RCSD1: variants seen among roughly 807,000 people sequenced by gnomAD.
RCSD1 encodes capZ-interacting protein.
A neutral mutation model predicts 42.5 loss-of-function variants in RCSD1; 26 were observed. The ratio of observed to expected loss-of-function variants is 0.61; its 90% CI spans 0.45 to 0.85. The LOEUF (loss-of-function observed/expected upper bound fraction) is 0.85. Among genes scored for constraint, RCSD1 ranks in the 40% least tolerant of loss-of-function variants. The pLI, the probability that RCSD1 is intolerant of heterozygous loss-of-function variation, is 0.00. For missense variants in RCSD1, 571 were observed against 528.3 expected, an observed-to-expected ratio of 1.08 and a Z score of -0.79; for synonymous variants, 220 against 212.2, an observed-to-expected ratio of 1.04 and a Z score of -0.32.
intron 1 of RCSD1, among the ~76,000 whole-genome samples, chr1:167,658,129 C>T (rs1658462276): frequency 6.6e-6 from 1 of 152,150 alleles, no homozygotes; most frequent in Admixed American, 6.6e-5. Context: ...GTATGAGACA[C>T]ACTGGGTTTA....
At chr1:167,699,864 C>T (rs1040691946) in intron 6 of RCSD1, among the ~76,000 whole-genome samples, 1 of 152,194 alleles carries the variant, frequency 6.6e-6, no homozygotes, top group African/African-American at 2.4e-5. Context: ...TTCTTACCCA[C>T]GGCTCAGAGC....
intron 1 of RCSD1, among the ~76,000 whole-genome samples, chr1:167,657,854 G>A (rs557011092): frequency 8.6e-5 from 13 of 151,422 alleles, no homozygotes; most frequent in Non-Finnish European, 1.2e-4. Context: ...AAAATATATC[G>A]TGGACAGCCC....
At chr1:167,668,174 AC>A (rs1558082475) in intron 1 of RCSD1, among the ~76,000 whole-genome samples, 1 of 151,874 alleles carries the variant, frequency 6.6e-6, no homozygotes, top group African/African-American at 2.4e-5. Flanking sequence ...AATCCCAGCT[AC>A]TCGGGAGGCT....
chr1:167,675,163 A>T (rs1234632182), intron 1 of RCSD1, among the ~76,000 whole-genome samples: 2 of 142,616 alleles, frequency 1.4e-5, no homozygotes, highest in Non-Finnish European at 3.0e-5. Context: ...CCGAGATCTC[A>T]CCACTGCACT....
rs1411776735 is a variant in RCSD1 at position 167,694,187 on chromosome 1, G to A, written c.359G>A (p.Ser120Asn). Residue 120 changes from serine to asparagine, a missense_variant, in exon 5 of 7, where the codon AGC (serine) becomes AAC (asparagine). Coordinates refer to ENST00000367854, the MANE Select transcript of RCSD1 (RefSeq NM_052862.4). ...GLKAMVSPFH[S>N]PPSTPSSPGV... ...AAGGCTATGGTGTCGCCATTTCACA[G>A]CCCACCTTCTACCCCCAGCAGCCCT... 3 of 1,614,166 alleles carry A rather than the reference G, an allele frequency of 1.9e-6. No individual in the cohort carries two copies. Among genetic ancestry groups the A allele is most frequent in the Non-Finnish European group, 2.5e-6 (3 of 1,180,036 alleles).
At chr1:167,679,953 C>A (rs1571698998) in intron 1 of RCSD1, among the ~76,000 whole-genome samples, 1 of 152,118 alleles carries the variant, frequency 6.6e-6, no homozygotes, top group Admixed American at 6.5e-5. Context: ...GACACAGGGG[C>A]TCCTCAGTTC....
chr1:167,698,145 G>A (rs1659547383), intron 6 of RCSD1, among the ~76,000 whole-genome samples: 1 of 152,198 alleles, frequency 6.6e-6, no homozygotes, highest in African/African-American at 2.4e-5. Context: ...ACTGAGGCCT[G>A]CAAGCATCTA....
At chr1:167,703,369 T>C (rs1034557430) in intron 6 of RCSD1, among the ~76,000 whole-genome samples, 3 of 152,118 alleles carry the variant, frequency 2.0e-5, no homozygotes, top group African/African-American at 7.2e-5. Context: ...ATAATGGAAT[T>C]GTGACCAGGC....
At chr1:167,690,776 CCA>C (rs1659357651) in intron 4 of RCSD1, among the ~76,000 whole-genome samples, 1 of 152,302 alleles carries the variant, frequency 6.6e-6, no homozygotes, top group South Asian at 2.1e-4. Context: ...CTGAATGCAG[CCA>C]CAAACCATTT....
rs571375864 is a variant in RCSD1, at chr1:167,694,377, C to T, written c.474+75C>T. 176 of 1,368,548 alleles carry T rather than the reference C, an allele frequency of 1.3e-4. 1 individual carries two copies. The South Asian group carries it at 2.0e-3, about 16-fold the overall frequency. 84.8% of individuals were successfully genotyped at this position (1,368,548 alleles called of 1,614,324 possible). A position where few individuals can be genotyped will look rare whatever the true frequency, so the allele number is the denominator to read the frequency against. ...CTGGCACCCCTGAATTTTCTCTACC[C>T]TGTTGTCCTGGAGAAAGGAGGAAAC... On this transcript the variant is annotated intron_variant, in intron 5 of 6. Coordinates refer to ENST00000367854, the MANE Select transcript of RCSD1 (RefSeq NM_052862.4).
At chr1:167,674,011 T>C (rs146006256) in intron 1 of RCSD1, among the ~76,000 whole-genome samples, 114 of 152,376 alleles carry the variant, frequency 7.5e-4, no homozygotes, top group African/African-American at 2.5e-3. Context: ...GTTTTCATTC[T>C]GATAGTTTTA....
At chr1:167,658,635 T>C (rs1159974444) in intron 1 of RCSD1, among the ~76,000 whole-genome samples, 1 of 152,108 alleles carries the variant, frequency 6.6e-6, no homozygotes, top group Non-Finnish European at 1.5e-5. Context: ...TCCACCATAT[T>C]GGCCAGGCTG....
At chr1:167,681,747 T>C (rs1317085633) in intron 1 of RCSD1, among the ~76,000 whole-genome samples, 1 of 152,230 alleles carries the variant, frequency 6.6e-6, no homozygotes, top group Non-Finnish European at 1.5e-5. Flanking sequence ...ATCTGTGATG[T>C]GGGCAAGAAG....
At chr1:167,671,027 T>C (rs569053073) in intron 1 of RCSD1, among the ~76,000 whole-genome samples, 2 of 152,344 alleles carry the variant, frequency 1.3e-5, no homozygotes, top group East Asian at 3.9e-4. Context: ...TATCTGCTCA[T>C]GGTCACCACT....
chr1:167,671,664 C>G (rs551548175), intron 1 of RCSD1, among the ~76,000 whole-genome samples: 3 of 152,352 alleles, frequency 2.0e-5, no homozygotes, highest in Admixed American at 1.3e-4. Context: ...GGCTCTCCAC[C>G]TCCTGAAGAC....
chr1:167,682,536 G>A (rs1659106886), intron 1 of RCSD1, among the ~76,000 whole-genome samples: 1 of 152,138 alleles, frequency 6.6e-6, no homozygotes, highest in Admixed American at 6.5e-5. Flanking sequence ...GCTGGGAGGT[G>A]AGGAGATCTG....
chr1:167,697,780 G>C lies in RCSD1; in HGVS notation c.1156G>C (p.Gly386Arg). ...VLEPGCSPQT[G>R]PAQLETSSEV... Reference sequence around the variant, plus strand: ...CGAGCCAGGCTGCAGCCCCCAGACCGGCCCTGCCCAGCTGGAGACCAGCAG... The same window carrying C: ...CGAGCCAGGCTGCAGCCCCCAGACCCGCCCTGCCCAGCTGGAGACCAGCAG... The change falls in exon 6 of 7, where the codon GGC (glycine) becomes CGC (arginine). Residue 386 changes from glycine (G) to arginine (R), a missense_variant. Physicochemically the swap from Gly to Arg is moderately radical, Grantham distance 125 (BLOSUM62 -2). Coordinates refer to ENST00000367854, the MANE Select transcript of RCSD1 (RefSeq NM_052862.4). 6.7e-7 allele frequency: 1 copy of C among 1,493,236 alleles called. No homozygotes were observed. 92.5% of individuals were successfully genotyped at this position (1,493,236 alleles called of 1,614,324 possible).
chr1:167,646,796 G>A (rs564016798), intron 1 of RCSD1, among the ~76,000 whole-genome samples: 1 of 152,278 alleles, frequency 6.6e-6, no homozygotes, highest in African/African-American at 2.4e-5. Flanking sequence ...CGGAACTTCT[G>A]GGGCATCGCC....
At chr1:167,647,134 A>AAAAAAAAAAAAAG (rs1201391970) in intron 1 of RCSD1, among the ~76,000 whole-genome samples, 1 of 151,552 alleles carries the variant, frequency 6.6e-6, no homozygotes, top group African/African-American at 2.4e-5. Flanking sequence ...CCATCTCAAA[A>AAAAAAAAAAAAAG]AAAAAGAGAG....
Sources: allele counts gnomAD v4.1 joint callset (sites outside exome capture counted in the v4.1 genomes callset), GRCh38; gene constraint gnomAD v4.1.1; transcripts MANE v1.5; gene names NCBI Gene and HGNC (gene_info 2026-07-23, HGNC 2026-07-21).